Variants in SLC2A5 observed in about 807,000 individuals in gnomAD.
SLC2A5 encodes solute carrier family 2, facilitated glucose transporter member 5.
A neutral mutation model predicts 50.3 loss-of-function variants in SLC2A5; 56 were observed. The ratio of observed to expected loss-of-function variants is 1.11; its 90% CI spans 0.90 to 1.39. The LOEUF is 1.39. Among genes scored for constraint, SLC2A5 ranks in the 40% most tolerant of loss-of-function variants. The pLI is 0.00. For missense variants in SLC2A5, 566 were observed against 650.1 expected (o/e 0.87, Z 1.41); for synonymous variants, 269 against 281.9 (o/e 0.95, Z 0.46).
At chr1:9,074,085 A>AT (rs1000524854), upstream of SLC2A5, among the ~76,000 whole-genome samples, 1 of 142,390 alleles carries the variant, frequency 7.0e-6, no homozygotes, top group East Asian at 2.5e-4. Flanking sequence ...ATCTCCAAAA[A>AT]TTAAAAAAAA....
intron 9 of SLC2A5, 130 bp from the exon 10 acceptor site, chr1:9,038,636 C>A: frequency 1.6e-6 from 2 of 1,230,894 alleles, no homozygotes; most frequent in Non-Finnish European, 2.3e-6. Context: ...CCTCGATGAG[C>A]CACTGGGAAA....
At chr1:9,078,997 G>T (rs1642323602) in intron 2 of SLC2A5, among the ~76,000 whole-genome samples, 1 of 152,138 alleles carries the variant, frequency 6.6e-6, no homozygotes, top group African/African-American at 2.4e-5. Flanking sequence ...AGTGCATCCA[G>T]TCGGTTGACA....
chr1:9,081,499 CAA>C (rs1642353210), intron 2 of SLC2A5, among the ~76,000 whole-genome samples: 1 of 126,424 alleles, frequency 7.9e-6, no homozygotes, highest in Non-Finnish European at 1.7e-5. Flanking sequence ...AGTAAAAAGA[CAA>C]GAGACTAGAA....
chr1:9,077,945 A>G (rs569590837), intron 2 of SLC2A5, among the ~76,000 whole-genome samples: 37 of 152,180 alleles, frequency 2.4e-4, no homozygotes, highest in South Asian at 1.9e-3. Context: ...AAGAAAGTAA[A>G]GAAATAAAAA....
chr1:9,054,431 C>A (rs953733081), intron 3 of SLC2A5, among the ~76,000 whole-genome samples: 8 of 152,126 alleles, frequency 5.3e-5, no homozygotes. Context: ...CAGTCAGAAT[C>A]TTTCTTCCGG....
chr1:9,057,712 A>G, intron 2 of SLC2A5, 104 bp from the exon 3 acceptor site: 2 of 975,234 alleles, frequency 2.1e-6, no homozygotes, highest in South Asian at 1.5e-5. Context: ...GCACACAGAG[A>G]CCAACCTTAT....
chr1:9,046,665 CGTGTGTGTGTGT>C (rs55827239), intron 4 of SLC2A5, among the ~76,000 whole-genome samples: 104 of 147,336 alleles, frequency 7.1e-4, no homozygotes, highest in Non-Finnish European at 1.2e-3. Context: ...ACCTGGTTCT[CGTGTGTGTGTGT>C]GTGTGTGTGT....
At chr1:9,051,281 G>GAAAC (rs200105298) in intron 3 of SLC2A5, among the ~76,000 whole-genome samples, 33 of 151,916 alleles carry the variant, frequency 2.2e-4, no homozygotes, top group African/African-American at 4.1e-4. Flanking sequence ...AAGAAAGAAA[G>GAAAC]AAACAAACAA....
At chr1:9,048,692 G>A (rs765868066) in intron 3 of SLC2A5, among the ~76,000 whole-genome samples, 2 of 151,384 alleles carry the variant, frequency 1.3e-5, no homozygotes, top group African/African-American at 2.4e-5. Context: ...ACAGAGTCTC[G>A]CTCTGTCACC....
chr1:9,057,351 T>G (rs1386790642), intron 3 of SLC2A5, 97 bp downstream of exon 3: 1 of 678,080 alleles, frequency 1.5e-6, no homozygotes, highest in African/African-American at 1.9e-5. Context: ...GTGGTTATTA[T>G]CTTAGTCTCA....
Position 9,037,456 on chromosome 1 carries a change from T to C in SLC2A5, c.*130A>G. On this transcript the variant is annotated 3_prime_UTR_variant, in exon 12 of 12. Coordinates refer to ENST00000377424, the MANE Select transcript of SLC2A5 (RefSeq NM_003039.3). ...ACAGTTCCCACTGGGGTGGGGAGGC[T>C]GGAGATGAGGACTGCATTCCACATC... is the stretch of plus-strand genomic sequence containing the variant. 1 of 762,594 alleles carries C rather than the reference T, an allele frequency of 1.3e-6. No homozygotes were observed. The highest frequency in any genetic ancestry group is 2.2e-6 in the Non-Finnish European group (1 of 454,024). The allele number at this position is 762,594 out of a possible 1,614,324, so 47.2% of individuals were successfully genotyped here.
chr1:9,053,105 TAA>T (rs1641628393), intron 3 of SLC2A5, among the ~76,000 whole-genome samples: 1 of 107,352 alleles, frequency 9.3e-6, no homozygotes. Context: ...TATTTATATA[TAA>T]TATATATTAT....
chr1:9,085,616 C>T (rs1372627859), intron 1 of SLC2A5, among the ~76,000 whole-genome samples: 1 of 152,162 alleles, frequency 6.6e-6, no homozygotes, highest in Non-Finnish European at 1.5e-5. Context: ...GAGGCATGTT[C>T]GAACCCCACT....
In SLC2A5 at chr1:9,038,426, C is replaced by T. The variant is rs776300088; in HGVS notation, c.1174+5G>A. Reference sequence around the variant, plus strand: ...GACACCCTGAGGCCAGCTTTGGGTACGTACTGGGCCCGAGGGCATGTCCTA... The same window carrying T: ...GACACCCTGAGGCCAGCTTTGGGTATGTACTGGGCCCGAGGGCATGTCCTA... On this transcript the variant is annotated splice_donor_5th_base_variant and intron_variant, in intron 10 of 11. Coordinates refer to ENST00000377424, the MANE Select transcript of SLC2A5 (RefSeq NM_003039.3). The T allele has an allele frequency of 6.3e-5, 102 of 1,610,118 alleles. No individual in the cohort carries two copies. Among genetic ancestry groups the T allele is most frequent in the Non-Finnish European group, 8.0e-5 (94 of 1,176,812 alleles).
In SLC2A5 at chr1:9,038,855, G is replaced by A. The variant is rs1459670002; in HGVS notation, c.1071C>T (p.Cys357=). 3.7e-6 allele frequency: 6 copies of A among 1,612,368 alleles called. No individual in the cohort carries two copies. In the South Asian group the frequency reaches 4.4e-5, roughly 12 times the overall value. ...LGFSICLIAC[C]VLTAALALQD... The stretch of plus-strand genomic sequence containing the variant: ...GCAGTGCCAGAGCTGCAGTGAGCAC[G>A]CAGCAGGCTATGAGGCAGATGGAGA... Residue 357 remains cysteine (C), a synonymous_variant, in exon 9 of 12, where the codon TGC becomes TGT. Coordinates refer to ENST00000377424, the MANE Select transcript of SLC2A5 (RefSeq NM_003039.3).
chr1:9,061,005 T>G (rs57989711), intron 1 of SLC2A5, among the ~76,000 whole-genome samples: 2,362 of 151,824 alleles, frequency 0.016, 63 homozygotes, highest in African/African-American at 0.053. Context: ...AATTCTCTTC[T>G]GGGCACGACG....
intron 2 of SLC2A5, chr1:9,082,879 A>AT (rs1445756066): frequency 1.5e-5 from 3 of 205,376 alleles, no homozygotes; most frequent in African/African-American, 5.7e-5. Context: ...TGCAAACAGG[A>AT]CAAAAAAAAA....
intron 1 of SLC2A5, among the ~76,000 whole-genome samples, chr1:9,085,677 T>A (rs1414896650): frequency 2.0e-5 from 3 of 152,208 alleles, no homozygotes; most frequent in Non-Finnish European, 4.4e-5. Context: ...GAGCCCTGAC[T>A]GAGGAGGAAG....
Position 9,037,393 on chromosome 1 carries a change from GAC to G in SLC2A5, c.*191_*192del. On this transcript the variant is annotated 3_prime_UTR_variant, in exon 12 of 12. Transcript: ENST00000377424. Reference sequence around the variant, plus strand: ...CTGGTGACAGGCCAACATGGAGAGAGACAGCCCAGCTTCAAGAACAGCAAGGC... The same window carrying G: ...CTGGTGACAGGCCAACATGGAGAGAGAGCCCAGCTTCAAGAACAGCAAGGC... 3.5e-6 allele frequency: 2 copies of G among 577,636 alleles called. No individual in the cohort carries two copies. 35.8% of individuals were successfully genotyped at this position (577,636 alleles called of 1,614,324 possible).
Sources: gnomAD v4.1 joint callset for allele counts (sites outside exome capture counted in the v4.1 genomes callset) on GRCh38, gnomAD v4.1.1 for gene constraint, MANE v1.5 for transcripts, NCBI Gene and HGNC (gene_info 2026-07-23, HGNC 2026-07-21) for gene names.